Variants in GRAMD1B observed in about 807,000 individuals in gnomAD.
GRAMD1B encodes GRAM domain containing 1B, also known as protein Aster-B.
GRAMD1B carries 37 observed loss-of-function variants against 99.7 expected under a neutral mutation model. That is an observed-to-expected ratio of 0.37 (90% CI 0.29 to 0.49). GRAMD1B has a LOEUF of 0.49. GRAMD1B is among the 20% of genes least tolerant of loss of function. GRAMD1B has a pLI of 0.98. For synonymous variants in GRAMD1B, 427 were observed against 387.6 expected (o/e 1.10, Z -1.19); for missense variants, 888 against 1,009.2 (o/e 0.88, Z 1.63).
At chr11:123,583,300 ATG>A (rs546018819) in intron 3 of GRAMD1B, among the ~76,000 whole-genome samples, 21 of 130,778 alleles carry the variant, frequency 1.6e-4, no homozygotes, top group East Asian at 2.4e-4. Flanking sequence ...GTGTGTGTGA[ATG>A]TGTGTGTGCA....
At chr11:123,609,203 G>A (rs1953187016) in intron 12 of GRAMD1B, among the ~76,000 whole-genome samples, 1 of 152,162 alleles carries the variant, frequency 6.6e-6, no homozygotes, top group Admixed American at 6.5e-5. Flanking sequence ...ACACCGATGA[G>A]GCTGCTGGAA....
At chr11:123,572,988 G>A (rs957537644) in intron 2 of GRAMD1B, among the ~76,000 whole-genome samples, 6 of 150,098 alleles carry the variant, frequency 4.0e-5, no homozygotes, top group African/African-American at 7.4e-5. Context: ...AGGCAGAGGC[G>A]CAGATAGGCC....
At chr11:123,455,921 G>A (rs1205806872) in intron 1 of GRAMD1B, among the ~76,000 whole-genome samples, 2 of 152,132 alleles carry the variant, frequency 1.3e-5, no homozygotes, top group Non-Finnish European at 2.9e-5. Context: ...TGTAGTCCCA[G>A]CACTTTGGGA....
intron 3 of GRAMD1B, among the ~76,000 whole-genome samples, chr11:123,579,800 A>G (rs909504280): frequency 2.6e-5 from 4 of 152,180 alleles, no homozygotes; most frequent in African/African-American, 9.7e-5. Flanking sequence ...AGGATAAATC[A>G]TTTGAGTGGG....
chr11:123,416,750 C>G (rs986863397), intron 1 of GRAMD1B, among the ~76,000 whole-genome samples: 33 of 152,228 alleles, frequency 2.2e-4, no homozygotes, highest in African/African-American at 7.5e-4. Flanking sequence ...GATGACTATA[C>G]ACATGATTGC....
At chr11:123,548,365 TACACACAC>T (rs113307581) in intron 2 of GRAMD1B, among the ~76,000 whole-genome samples, 3 of 129,100 alleles carry the variant, frequency 2.3e-5, no homozygotes, top group African/African-American at 6.1e-5. Flanking sequence ...TATATATATG[TACACACAC>T]ACACACACAC....
intron 1 of GRAMD1B, among the ~76,000 whole-genome samples, chr11:123,395,589 G>A (rs1947431032): frequency 6.6e-6 from 1 of 152,152 alleles, no homozygotes; most frequent in Non-Finnish European, 1.5e-5. Context: ...ACTTATCCAA[G>A]CAGTCACGTA....
At chr11:123,523,496 T>G (rs1942393845) in intron 2 of GRAMD1B, among the ~76,000 whole-genome samples, 1 of 152,048 alleles carries the variant, frequency 6.6e-6, no homozygotes, top group South Asian at 2.1e-4. Context: ...TATACTCCTA[T>G]TAATAGCTGA....
intron 2 of GRAMD1B, among the ~76,000 whole-genome samples, chr11:123,502,888 T>A (rs781152114): frequency 1.4e-4 from 22 of 152,190 alleles, no homozygotes; most frequent in Non-Finnish European, 2.9e-5. Context: ...AATGCTTACA[T>A]TAGCCTATAG....
chr11:123,566,649 C>T (rs1947406482), intron 2 of GRAMD1B, among the ~76,000 whole-genome samples: 1 of 152,078 alleles, frequency 6.6e-6, no homozygotes, highest in Admixed American at 6.6e-5. Flanking sequence ...GCCTGTAGTC[C>T]CAGCTATTCG....
rs1189457848 is a variant in GRAMD1B at position 123,624,937 on chromosome 11, T to C, written c.*2342T>C. On this transcript the variant is annotated 3_prime_UTR_variant, in exon 20 of 20. Coordinates refer to ENST00000635736, the MANE Select transcript of GRAMD1B (RefSeq NM_001387025.1). ...GGCAGAGAGGGCAGTACTGAGTATGTCAGAAGAGCCCTCCTGGTTTTTTAG... is the reference window on the plus strand; with the variant it reads ...GGCAGAGAGGGCAGTACTGAGTATGCCAGAAGAGCCCTCCTGGTTTTTTAG... The C allele has an allele frequency of 2.0e-5, 3 of 152,120 alleles. No individual in the cohort carries two copies. The highest frequency in any genetic ancestry group is 7.2e-5 in the African/African-American group (3 of 41,416). 9.4% of individuals were successfully genotyped at this position (152,120 alleles called of 1,614,324 possible).
At chr11:123,434,715 T>C (rs1376110099) in intron 1 of GRAMD1B, among the ~76,000 whole-genome samples, 2 of 151,952 alleles carry the variant, frequency 1.3e-5, no homozygotes, top group Non-Finnish European at 2.9e-5. Flanking sequence ...TTGAACTTTG[T>C]GGGCAAAGGT....
upstream of GRAMD1B, among the ~76,000 whole-genome samples, chr11:123,426,760 C>T (rs935696074): frequency 4.6e-5 from 7 of 152,148 alleles, no homozygotes; most frequent in South Asian, 2.1e-4. Context: ...GGGGTGCCAG[C>T]GCCTTCCAGT....
intron 19 of GRAMD1B, among the ~76,000 whole-genome samples, chr11:123,621,895 T>G (rs1182482694): frequency 6.9e-6 from 1 of 145,682 alleles, no homozygotes; most frequent in East Asian, 2.1e-4. Flanking sequence ...TTTCTTTCTT[T>G]CTTTTTCTCT....
intron 1 of GRAMD1B, among the ~76,000 whole-genome samples, chr11:123,462,524 G>T (rs1010564657): frequency 6.6e-6 from 1 of 152,224 alleles, no homozygotes; most frequent in Admixed American, 6.5e-5. Context: ...CAAGCTCAGA[G>T]TCCCTTCAGT....
intron 1 of GRAMD1B, among the ~76,000 whole-genome samples, chr11:123,360,281 A>G (rs956048167): frequency 2.0e-5 from 3 of 152,184 alleles, no homozygotes; most frequent in African/African-American, 7.2e-5. Flanking sequence ...CTTGAAGATC[A>G]TGTCTCTTGC....
chr11:123,463,791 A>C (rs1258299134), intron 1 of GRAMD1B, among the ~76,000 whole-genome samples: 3 of 152,232 alleles, frequency 2.0e-5, no homozygotes, highest in Non-Finnish European at 4.4e-5. Context: ...TGGAGAGCAC[A>C]ACATGCACGA....
In GRAMD1B at chr11:123,622,827, G is replaced by A. The variant is rs984652058; in HGVS notation, c.*232G>A. ...GGAGCAGCTGAGGAGGGCAGGAACC[G>A]CCTCTCAGCACCGACCTCCCCTGAT... On this transcript the variant is annotated 3_prime_UTR_variant, in exon 20 of 20. Coordinates refer to ENST00000635736, the MANE Select transcript of GRAMD1B (RefSeq NM_001387025.1). The A allele has an allele frequency of 2.4e-5, 4 of 165,766 alleles. No individual in the cohort carries two copies. The highest frequency in any genetic ancestry group is 3.3e-4 in the East Asian group (2 of 6,092). 10.3% of individuals were successfully genotyped at this position (165,766 alleles called of 1,614,324 possible).
chr11:123,515,073 A>G (rs920569293), intron 2 of GRAMD1B, among the ~76,000 whole-genome samples: 13 of 152,374 alleles, frequency 8.5e-5, no homozygotes, highest in Middle Eastern at 6.8e-3. Context: ...CACTCTAGTC[A>G]TATTTCAGGT....
Sources: allele counts gnomAD v4.1 joint callset (sites outside exome capture counted in the v4.1 genomes callset), GRCh38; gene constraint gnomAD v4.1.1; transcripts MANE v1.5; gene names NCBI Gene and HGNC (gene_info 2026-07-23, HGNC 2026-07-21).